The following TMEM128 variants were observed in gnomAD, a reference collection of about 807,000 sequenced individuals.
TMEM128 encodes transmembrane protein 128.
TMEM128 carries 16 observed loss-of-function variants against 19.7 expected under a neutral mutation model. The observed-to-expected ratio is 0.81, with a 90% CI of 0.55 to 1.23. The LOEUF is 1.23. Ranked by LOEUF, TMEM128 falls within the 50% of genes most tolerant of loss-of-function variation. The pLI is 0.00. For missense variants in TMEM128, 237 were observed against 200.8 expected, an observed-to-expected ratio of 1.18 and a Z score of -1.09; for synonymous variants, 98 against 75.8, an observed-to-expected ratio of 1.29 and a Z score of -1.52.
At position 4,248,152 on chromosome 4, in the gene TMEM128, C is replaced by A; in HGVS notation, c.51G>T (p.Leu17=). The change falls in exon 1 of 5, where the codon CTG becomes CTT. Residue 17 remains leucine (L), a synonymous_variant. Transcript: ENST00000382753. ...RQQLRRRFLL[L]PDAEAQLDRE... ...GGTCCAGCTGGGCCTCGGCGTCCGG[C>A]AGGAGGAGGAATCGCCGCCGGAGCT... is the stretch of plus-strand genomic sequence containing the variant. 2 of 1,534,224 alleles carry A rather than the reference C, an allele frequency of 1.3e-6. No homozygotes were observed. The highest frequency in any genetic ancestry group is 1.8e-6 in the Non-Finnish European group (2 of 1,142,050).
rs374474074 is a variant in TMEM128, at chr4:4,241,402, T to C, written c.240-923A>G. The stretch of plus-strand genomic sequence containing the variant: ...CTGATTCAGCAAGAGTGAGGCAACC[T>C]GGACAACCCCTTCCCTCCACCCCAG... On this transcript the variant is annotated intron_variant, in intron 2 of 4. Coordinates refer to ENST00000382753, the MANE Select transcript of TMEM128 (RefSeq NM_001297551.2). 4.0e-4 allele frequency among the ~76,000 whole-genome samples: 61 copies of C among 152,308 alleles called. 1 individual carries two copies. In the East Asian group the frequency reaches 8.3e-3, roughly 21 times the overall value.
In TMEM128 at chr4:4,248,134, C is replaced by G; in HGVS notation, c.69G>C (p.Gln23His). Residue 23 changes from glutamine to histidine, a missense_variant, in exon 1 of 5, where the codon CAG becomes CAC. Gln to His is a conservative substitution (Grantham distance 24). Transcript: ENST00000382753. The stretch of plus-strand genomic sequence containing the variant: ...GCCCGGCGTCACCCTCGCGGTCCAG[C>G]TGGGCCTCGGCGTCCGGCAGGAGGA... The part of the protein sequence containing the change: ...RFLLLPDAEA[Q>H]LDREGDAGPE... 6.5e-7 allele frequency: 1 copy of G among 1,535,028 alleles called. No individual in the cohort carries two copies. The highest frequency in any genetic ancestry group is 8.7e-7 in the Non-Finnish European group (1 of 1,142,982).
chr4:4,247,924 G>C, intron 1 of TMEM128, 182 bp downstream of exon 1: 1 of 1,429,326 alleles, frequency 7.0e-7, no homozygotes, highest in Non-Finnish European at 9.1e-7. Context: ...AGAGAATTCT[G>C]AAGCGCAGCT....
chr4:4,246,423 T>C (rs1293309229), intron 1 of TMEM128, 80 bp from the exon 2 acceptor site: 2 of 1,405,236 alleles, frequency 1.4e-6, no homozygotes, highest in South Asian at 1.3e-5. Flanking sequence ...AATAAAATCA[T>C]TTCCTAGAGC....
In TMEM128 at chr4:4,248,208, T is replaced by C. The variant is rs1196742267; in HGVS notation, c.-6A>G. On this transcript the variant is annotated 5_prime_UTR_variant, in exon 1 of 5. Coordinates refer to ENST00000382753, the MANE Select transcript of TMEM128 (RefSeq NM_001297551.2). ...CGGGCCCGCGAGGAGTCCATCTTGG[T>C]ACCGCCCCGAAATGCGACGGAAGTG... is the stretch of plus-strand genomic sequence containing the variant. 1.3e-6 allele frequency: 2 copies of C among 1,499,952 alleles called. No homozygotes were observed. Among genetic ancestry groups the C allele is most frequent in the South Asian group, 1.2e-5 (1 of 80,590 alleles). 92.9% of individuals were successfully genotyped at this position (1,499,952 alleles called of 1,614,324 possible).
intron 3 of TMEM128, 117 bp from the exon 4 acceptor site, chr4:4,238,052 C>T: frequency 1.7e-6 from 1 of 597,160 alleles, no homozygotes; most frequent in Non-Finnish European, 2.8e-6. Flanking sequence ...GCAACTTTCT[C>T]TATGTATCAT....
rs183954404 is a variant in TMEM128 at position 4,244,429 on chromosome 4, G to A, written c.239+1773C>T. ...GAAGTCAAGGCAGCAAGCCATGATC[G>A]CACCACTACACTCCAGCCTGGGTGA... On this transcript the variant is annotated intron_variant, in intron 2 of 4. Coordinates refer to ENST00000382753, the MANE Select transcript of TMEM128 (RefSeq NM_001297551.2). 1.4e-4 allele frequency among the ~76,000 whole-genome samples: 22 copies of A among 152,212 alleles called. No individual in the cohort carries two copies. In the East Asian group the frequency reaches 3.9e-3, roughly 27 times the overall value.
At chr4:4,240,534 T>A in intron 2 of TMEM128, 55 bp from the exon 3 acceptor site, 1 of 1,550,804 alleles carries the variant, frequency 6.4e-7, no homozygotes, top group Non-Finnish European at 8.7e-7. Context: ...TCGTCACATA[T>A]CTTAAAAGTT....
Position 4,247,988 on chromosome 4 carries a change from T to C in TMEM128, c.97+118A>G, listed in dbSNP as rs186755998. ...TCTAAGGATCTTCCCTGACATTAAATATTCGACTTGCAAAGCCGAAACTCA... is the reference window on the plus strand; with the variant it reads ...TCTAAGGATCTTCCCTGACATTAAACATTCGACTTGCAAAGCCGAAACTCA... On this transcript the variant is annotated intron_variant, in intron 1 of 4. Transcript: ENST00000382753. 464 of 1,459,208 alleles carry C rather than the reference T, an allele frequency of 3.2e-4. 3 individuals carry two copies. The African/African-American group carries it at 5.8e-3, about 18-fold the overall frequency. The allele number at this position is 1,459,208 out of a possible 1,614,324, so 90.4% of individuals were successfully genotyped here. A position where few individuals can be genotyped will look rare whatever the true frequency, so the allele number is the denominator to read the frequency against.
At chr4:4,237,773 A>G (rs1717783637) in intron 4 of TMEM128, 54 bp downstream of exon 4, 2 of 1,179,936 alleles carry the variant, frequency 1.7e-6, no homozygotes, top group African/African-American at 1.5e-5. Flanking sequence ...AATTGTCATA[A>G]AAGACATTTT....
At chr4:4,237,252 G>A (rs937291522) in intron 4 of TMEM128, among the ~76,000 whole-genome samples, 1 of 152,114 alleles carries the variant, frequency 6.6e-6, no homozygotes, top group Non-Finnish European at 1.5e-5. Flanking sequence ...CCAGCCAACA[G>A]TCACTGAATA....
rs192885180 is a variant in TMEM128, at chr4:4,248,011, T to G, written c.97+95A>C. The stretch of plus-strand genomic sequence containing the variant: ...AATATTCGACTTGCAAAGCCGAAAC[T>G]CAGTCCTTCCAGACTGGGCCAGGGC... On this transcript the variant is annotated intron_variant, in intron 1 of 4. Coordinates refer to ENST00000382753, the MANE Select transcript of TMEM128 (RefSeq NM_001297551.2). 7.1e-3 allele frequency: 10,528 copies of G among 1,488,340 alleles called. 52 individuals are homozygous for G. The highest frequency in any genetic ancestry group is 7.8e-3 in the Non-Finnish European group (8,802 of 1,124,122). The allele number at this position is 1,488,340 out of a possible 1,614,324, so 92.2% of individuals were successfully genotyped here.
Position 4,235,640 on chromosome 4 carries a change from T to C in TMEM128, c.*626A>G, listed in dbSNP as rs1228036160. The C allele has an allele frequency of 6.6e-6, 1 of 152,666 alleles. No homozygotes were observed. Among genetic ancestry groups the C allele is most frequent in the African/African-American group, 2.4e-5 (1 of 41,456 alleles). The allele number at this position is 152,666 out of a possible 1,614,324, so 9.5% of individuals were successfully genotyped here. ...AGGAAATGCTAAAAACCCAGTAATG[T>C]ACATAATGATAAAATCTAAAGTGAT... On this transcript the variant is annotated 3_prime_UTR_variant, in exon 5 of 5. Coordinates refer to ENST00000382753, the MANE Select transcript of TMEM128 (RefSeq NM_001297551.2).
intron 3 of TMEM128, among the ~76,000 whole-genome samples, chr4:4,239,341 T>A (rs1383737816): frequency 1.3e-5 from 2 of 152,304 alleles, no homozygotes; most frequent in South Asian, 2.1e-4. Flanking sequence ...GTTATGTCCA[T>A]GCTGTGAAAA....
At chr4:4,246,455 A>G in intron 1 of TMEM128, 112 bp from the exon 2 acceptor site, 2 of 1,100,936 alleles carry the variant, frequency 1.8e-6, no homozygotes, top group Non-Finnish European at 2.6e-6. Flanking sequence ...CTCTCCCATG[A>G]TAACAAATCC....
At chr4:4,244,861 A>G (rs970497961) in intron 2 of TMEM128, among the ~76,000 whole-genome samples, 2 of 152,144 alleles carry the variant, frequency 1.3e-5, no homozygotes, top group Non-Finnish European at 2.9e-5. Context: ...ACCTCCCACA[A>G]AGGAGTGAGT....
chr4:4,244,716 G>A (rs1405803394), intron 2 of TMEM128, among the ~76,000 whole-genome samples: 1 of 152,066 alleles, frequency 6.6e-6, no homozygotes, highest in East Asian at 1.9e-4. Context: ...TTTCCTGTGG[G>A]GACTGCCCCT....
chr4:4,240,630 T>A, intron 2 of TMEM128, 151 bp from the exon 3 acceptor site: 1 of 842,906 alleles, frequency 1.2e-6, no homozygotes, highest in Non-Finnish European at 1.8e-6. Context: ...TTTCAGAAAG[T>A]CTCAATCTAT....
At chr4:4,236,761 T>C (rs987578960) in intron 4 of TMEM128, among the ~76,000 whole-genome samples, 2 of 152,232 alleles carry the variant, frequency 1.3e-5, no homozygotes, top group Admixed American at 6.5e-5. Context: ...CCACTGACCT[T>C]CCTTTAAAAT....
Sources: gnomAD v4.1 joint callset for allele counts (sites outside exome capture counted in the v4.1 genomes callset) on GRCh38, gnomAD v4.1.1 for gene constraint, MANE v1.5 for transcripts, NCBI Gene and HGNC (gene_info 2026-07-23, HGNC 2026-07-21) for gene names.